Variants in TBC1D21 observed in about 807,000 individuals in gnomAD.
The protein encoded by TBC1D21 is TBC1 domain family member 21.
In TBC1D21, 38 loss-of-function variants were observed where a neutral mutation model predicts 46.0. The observed-to-expected ratio is 0.83, with a 90% confidence interval of 0.64 to 1.08. TBC1D21 has a LOEUF of 1.08. Among genes scored for constraint, TBC1D21 ranks in the 50% least tolerant of loss-of-function variants. The pLI is 0.00. For synonymous variants in TBC1D21, 151 were observed against 157.2 expected (o/e 0.96, Z 0.29); for missense variants, 415 against 417.9 (o/e 0.99, Z 0.06).
chr15:73,888,814 A>T (rs545122826), intron 10 of TBC1D21, among the ~76,000 whole-genome samples: 1 of 152,012 alleles, frequency 6.6e-6, no homozygotes, highest in Non-Finnish European at 1.5e-5. Flanking sequence ...CTTCAGAGAC[A>T]CAGACTGTGC....
At chr15:73,904,916 CAG>C in the TBC1D21 span, among the ~76,000 whole-genome samples, 1 of 152,148 alleles carries the variant, frequency 6.6e-6, no homozygotes, top group Non-Finnish European at 1.5e-5. Flanking sequence ...GAGGCAGAAA[CAG>C]AGAGCGAGAG....
chr15:73,893,164 G>A (rs1053168852), downstream of TBC1D21, among the ~76,000 whole-genome samples: 1 of 152,184 alleles, frequency 6.6e-6, no homozygotes, highest in Non-Finnish European at 1.5e-5. Flanking sequence ...AGGAAAAGAT[G>A]AGATTCAAGG....
chr15:73,873,725 C>T lies in TBC1D21; in HGVS notation c.16C>T (p.Pro6Ser). Reference sequence around the variant, plus strand: ...AGCAGGGGCCATGACCACCCTCTCTCCTGAAAACAGCCTCTCTGCCAGACA... The same window carrying T: ...AGCAGGGGCCATGACCACCCTCTCTTCTGAAAACAGCCTCTCTGCCAGACA... The part of the protein sequence containing the change: MTTLS[P>S]ENSLSARQSA... The change falls in exon 1 of 11, where the codon CCT (proline) becomes TCT (serine). Residue 6 changes from proline to serine, a missense_variant. Physicochemically the swap from Pro to Ser is moderately conservative, Grantham distance 74. Coordinates refer to ENST00000300504, the MANE Select transcript of TBC1D21 (RefSeq NM_153356.3). 3.1e-6 allele frequency: 5 copies of T among 1,608,296 alleles called. No homozygotes were observed. The highest frequency in any genetic ancestry group is 4.2e-6 in the Non-Finnish European group (5 of 1,176,782).
rs371123275 is a variant in TBC1D21, at chr15:73,889,135, G to T, written c.*34G>T. 1.2e-6 allele frequency: 2 copies of T among 1,607,532 alleles called. No individual in the cohort carries two copies. Among genetic ancestry groups the T allele is most frequent in the Admixed American group, 3.4e-5 (2 of 59,412 alleles). On this transcript the variant is annotated 3_prime_UTR_variant, in exon 11 of 11. Coordinates refer to ENST00000300504, the MANE Select transcript of TBC1D21 (RefSeq NM_153356.3). ...AAGCCCGCAGTGGACTGATGCCTTC[G>T]ATGGGCAGGATGAAGGCCAGGGGCA... is the stretch of plus-strand genomic sequence containing the variant.
In TBC1D21 at chr15:73,886,184, T is replaced by A; in HGVS notation, c.676+10T>A. On this transcript the variant is annotated intron_variant, in intron 7 of 10. Transcript: ENST00000300504. ...TTTGCTGAGCACCTAAGTGAGTGGT[T>A]CCCACCTCCTGCCACCTCACGCACC... 5 of 1,613,188 alleles carry A rather than the reference T, an allele frequency of 3.1e-6. No homozygotes were observed. In the Middle Eastern group the frequency reaches 6.6e-4, roughly 213 times the overall value.
chr15:73,898,880 A>AAAAAAAAAATATATATAT, the TBC1D21 span, among the ~76,000 whole-genome samples: 15 of 56,796 alleles, frequency 2.6e-4, no homozygotes, highest in Non-Finnish European at 3.8e-4. Flanking sequence ...AAAAAAAAAA[A>AAAAAAAAAATATATATAT]ATATATATAT....
At chr15:73,880,229 T>G (rs1005993432) in intron 1 of TBC1D21, among the ~76,000 whole-genome samples, 9 of 151,928 alleles carry the variant, frequency 5.9e-5, no homozygotes, top group Non-Finnish European at 1.2e-4. Flanking sequence ...TGAATTACTT[T>G]GCATGCAGTG....
intron 4 of TBC1D21, 66 bp downstream of exon 4, chr15:73,884,311 C>T (rs1567066785): frequency 6.4e-6 from 9 of 1,398,786 alleles, no homozygotes; most frequent in Non-Finnish European, 9.1e-6. Flanking sequence ...GCCCCCTTCT[C>T]AGCCACTTCC....
chr15:73,884,900 C>T lies in TBC1D21; in HGVS notation c.478+9C>T, dbSNP rs776092300. On this transcript the variant is annotated intron_variant, in intron 5 of 10. Coordinates refer to ENST00000300504, the MANE Select transcript of TBC1D21 (RefSeq NM_153356.3). Reference sequence around the variant, plus strand: ...CTGCAACACGCAGGCAGGTGAGCCTCAGCCTCCCCTTGTCAATGCCCTCCC... The same window carrying T: ...CTGCAACACGCAGGCAGGTGAGCCTTAGCCTCCCCTTGTCAATGCCCTCCC... 3.7e-6 allele frequency: 6 copies of T among 1,613,010 alleles called. No individual in the cohort carries two copies. The South Asian group carries it at 6.6e-5, about 18-fold the overall frequency.
intron 5 of TBC1D21, 35 bp from the exon 6 acceptor site, chr15:73,884,968 C>CCCCCCCCAA: frequency 6.4e-7 from 1 of 1,574,334 alleles, no homozygotes; most frequent in Non-Finnish European, 8.7e-7. Context: ...GCTCTCCCAC[C>CCCCCCCCAA]CAGCCCCTCC....
intron 3 of TBC1D21, among the ~76,000 whole-genome samples, chr15:73,882,713 A>G (rs1272343427): frequency 6.6e-6 from 1 of 152,160 alleles, no homozygotes; most frequent in Non-Finnish European, 1.5e-5. Flanking sequence ...TCCTCTATAA[A>G]ATGCAGGTAA....
At chr15:73,884,731 C>A in intron 4 of TBC1D21, 50 bp from the exon 5 acceptor site, 1 of 1,366,152 alleles carries the variant, frequency 7.3e-7, no homozygotes, top group South Asian at 1.2e-5. Context: ...ACCCATAGAC[C>A]TGCTGGATGT....
In TBC1D21 at chr15:73,873,857, T is replaced by C. The variant is rs544796961; in HGVS notation, c.60+88T>C. 4.2e-4 allele frequency: 620 copies of C among 1,460,554 alleles called. 7 individuals carry two copies. In the South Asian group the frequency reaches 7.2e-3, roughly 17 times the overall value. The allele number at this position is 1,460,554 out of a possible 1,614,324, so 90.5% of individuals were successfully genotyped here. ...TTTTCCCCTGCTGGGTAGGAAAAGC[T>C]AGAACCCTGAGCTAACATAGAAGGT... is the stretch of plus-strand genomic sequence containing the variant. On this transcript the variant is annotated intron_variant, in intron 1 of 10. Transcript: ENST00000300504.
chr15:73,892,992 A>T (rs191691450), downstream of TBC1D21, among the ~76,000 whole-genome samples: 1 of 152,214 alleles, frequency 6.6e-6, no homozygotes, highest in African/African-American at 2.4e-5. Flanking sequence ...GATGTCATTT[A>T]TGATGGTGGA....
chr15:73,879,740 A>C (rs1441604994), intron 1 of TBC1D21, among the ~76,000 whole-genome samples: 1 of 152,206 alleles, frequency 6.6e-6, no homozygotes, highest in African/African-American at 2.4e-5. Context: ...GTATATTTAC[A>C]TGTCTACTCA....
At position 73,878,713 on chromosome 15, in the gene TBC1D21, C is replaced by G. The variant is rs536429216; in HGVS notation, c.61-2686C>G. On this transcript the variant is annotated intron_variant, in intron 1 of 10. Transcript: ENST00000300504. ...CCCAAACTGGCTTACAGATTCAATA[C>G]AGTCTCCACCAAAATCACAGCTGCC... 3.3e-5 allele frequency among the ~76,000 whole-genome samples: 5 copies of G among 152,324 alleles called. No individual in the cohort carries two copies. The East Asian group carries it at 9.6e-4, about 29-fold the overall frequency.
chr15:73,883,494 A>T (rs932611600), intron 3 of TBC1D21, among the ~76,000 whole-genome samples: 4 of 152,142 alleles, frequency 2.6e-5, no homozygotes, highest in Non-Finnish European at 5.9e-5. Flanking sequence ...GCCTCACTCC[A>T]TTCCCTGTCC....
At chr15:73,894,926 C>T in the TBC1D21 span, among the ~76,000 whole-genome samples, 2 of 152,200 alleles carry the variant, frequency 1.3e-5, no homozygotes, top group Admixed American at 1.3e-4. Context: ...CTGCCAGACC[C>T]TGGTGCTCGC....
the TBC1D21 span, among the ~76,000 whole-genome samples, chr15:73,897,296 G>C: frequency 6.6e-6 from 1 of 152,168 alleles, no homozygotes; most frequent in African/African-American, 2.4e-5. Flanking sequence ...TTCTCACCTA[G>C]AAATTAGAAA....
Sources: allele counts gnomAD v4.1 joint callset (sites outside exome capture counted in the v4.1 genomes callset), GRCh38; gene constraint gnomAD v4.1.1; transcripts MANE v1.5; gene names NCBI Gene and HGNC (gene_info 2026-07-23, HGNC 2026-07-21).